ACVR1: variants seen among roughly 807,000 people sequenced by gnomAD.
ACVR1 encodes the protein activin receptor type-1.
Under a neutral mutation model 57.1 loss-of-function variants are expected in ACVR1, and 38 were observed. That is an observed-to-expected ratio of 0.67 (90% CI 0.51 to 0.87). The LOEUF (loss-of-function observed/expected upper bound fraction) is 0.87. Among genes scored for constraint, ACVR1 ranks in the 40% least tolerant of loss-of-function variants. ACVR1 has a pLI of 0.00. For missense variants in ACVR1, 463 were observed against 638.2 expected (o/e 0.73, Z 2.96); for synonymous variants, 212 against 228.1 (o/e 0.93, Z 0.63).
chr2:157,736,760 A>G lies in ACVR1; in HGVS notation c.*771T>C, dbSNP rs1684547793. 2.9e-6 allele frequency: 1 copy of G among 344,532 alleles called. No homozygotes were observed. The highest frequency in any genetic ancestry group is 5.3e-6 in the Non-Finnish European group (1 of 187,814). The allele number at this position is 344,532 out of a possible 1,614,324, so 21.3% of individuals were successfully genotyped here. ...TGTGATTTTAACTGATAATAAAAGA[A>G]AATGTCCATTTTAGAGTATAGTGTT... On this transcript the variant is annotated 3_prime_UTR_variant, in exon 11 of 11. Coordinates refer to ENST00000434821, the MANE Select transcript of ACVR1 (RefSeq NM_001111067.4).
intron 5 of ACVR1, 78 bp downstream of exon 5, chr2:157,778,053 G>GC (rs1230344123): frequency 1.6e-5 from 23 of 1,458,476 alleles, no homozygotes; most frequent in Non-Finnish European, 2.2e-5. Flanking sequence ...TTACTGGTTA[G>GC]CGTTTCATGC....
intron 2 of ACVR1, among the ~76,000 whole-genome samples, chr2:157,801,190 ATC>A (rs1687313000): frequency 6.6e-6 from 1 of 152,218 alleles, no homozygotes; most frequent in South Asian, 2.1e-4. Context: ...TCTGGTCTCT[ATC>A]TCAGTTCTCT....
chr2:157,870,330 A>G (rs11680301), intron 1 of ACVR1, among the ~76,000 whole-genome samples: 148,234 of 152,254 alleles, frequency 0.97, 72,287 homozygotes, highest in East Asian at 1. Flanking sequence ...CCCCAAATCA[A>G]AGTAATCTTG....
At chr2:157,814,001 T>C (rs1215457821) in intron 2 of ACVR1, among the ~76,000 whole-genome samples, 1 of 152,256 alleles carries the variant, frequency 6.6e-6, no homozygotes, top group Admixed American at 6.5e-5. Flanking sequence ...TTTCCTCCAA[T>C]GTAAGTAAGA....
At chr2:157,856,488 T>C (rs1024408214) in intron 1 of ACVR1, among the ~76,000 whole-genome samples, 1 of 152,232 alleles carries the variant, frequency 6.6e-6, no homozygotes, top group Non-Finnish European at 1.5e-5. Flanking sequence ...CAGTGGCCCA[T>C]TGTGATAAAT....
At position 157,795,180 on chromosome 2, in the gene ACVR1, C is replaced by T. The variant is rs369435550; in HGVS notation, c.67+4247G>A. Among the ~76,000 whole-genome samples, 139 of 152,204 alleles carry T rather than the reference C, an allele frequency of 9.1e-4. 7 individuals are homozygous for T. In the South Asian group the frequency reaches 0.027, roughly 30 times the overall value. On this transcript the variant is annotated intron_variant, in intron 3 of 10. Transcript: ENST00000434821. The stretch of plus-strand genomic sequence containing the variant: ...TAAACGCAGTCGTCTAAAGCTTGCT[C>T]AGCAGTAGACAAGCTACACTGCTAT...
At chr2:157,835,097 A>C (rs1688733824) in intron 1 of ACVR1, among the ~76,000 whole-genome samples, 1 of 152,184 alleles carries the variant, frequency 6.6e-6, no homozygotes, top group South Asian at 2.1e-4. Context: ...ATAGACTAAA[A>C]ATGCAACTAA....
chr2:157,791,750 T>C (rs1199391438), intron 3 of ACVR1, among the ~76,000 whole-genome samples: 1 of 152,238 alleles, frequency 6.6e-6, no homozygotes, highest in Non-Finnish European at 1.5e-5. Context: ...GGCCAAAGCC[T>C]TCCTTTCAGA....
At chr2:157,844,362 G>C (rs926766917) in intron 1 of ACVR1, among the ~76,000 whole-genome samples, 2 of 151,996 alleles carry the variant, frequency 1.3e-5, no homozygotes, top group African/African-American at 2.4e-5. Flanking sequence ...GTCCCCACTG[G>C]GTTTGCTCTT....
At chr2:157,850,344 C>T (rs985728407) in intron 1 of ACVR1, among the ~76,000 whole-genome samples, 5 of 151,028 alleles carry the variant, frequency 3.3e-5, no homozygotes, top group African/African-American at 9.8e-5. Context: ...GAGCTGAGAT[C>T]GTGCCAATGT....
intron 2 of ACVR1, among the ~76,000 whole-genome samples, chr2:157,815,022 G>A (rs1687883056): frequency 2.0e-5 from 3 of 152,178 alleles, no homozygotes; most frequent in African/African-American, 7.2e-5. Flanking sequence ...CCAGGAGGCA[G>A]AGCTTGCAGT....
intron 2 of ACVR1, among the ~76,000 whole-genome samples, chr2:157,812,124 G>A (rs983522911): frequency 5.3e-5 from 8 of 152,152 alleles, no homozygotes; most frequent in African/African-American, 4.8e-5. Context: ...TCCACTAAAC[G>A]GGCCTAGAAA....
At chr2:157,747,707 A>G (rs1461972555) in intron 9 of ACVR1, among the ~76,000 whole-genome samples, 1 of 152,116 alleles carries the variant, frequency 6.6e-6, no homozygotes, top group Admixed American at 6.5e-5. Context: ...GTTTGCAAGC[A>G]GCATTGAATA....
At chr2:157,793,393 C>T (rs768468024) in intron 3 of ACVR1, among the ~76,000 whole-genome samples, 3 of 152,062 alleles carry the variant, frequency 2.0e-5, no homozygotes, top group Non-Finnish European at 4.4e-5. Context: ...ACTAGTTTAA[C>T]TACTCATGGC....
intron 1 of ACVR1, among the ~76,000 whole-genome samples, chr2:157,829,770 A>G (rs1559082384): frequency 6.6e-6 from 1 of 152,122 alleles, no homozygotes; most frequent in African/African-American, 2.4e-5. Context: ...ATATTAACAC[A>G]TGCCCCCTCA....
chr2:157,769,504 G>C (rs549690896), intron 7 of ACVR1, among the ~76,000 whole-genome samples: 1 of 152,294 alleles, frequency 6.6e-6, no homozygotes, highest in African/African-American at 2.4e-5. Flanking sequence ...CGGAAGCAAA[G>C]CTTTGAAGCT....
At chr2:157,745,534 G>T (rs1402682796) in intron 9 of ACVR1, among the ~76,000 whole-genome samples, 1 of 152,172 alleles carries the variant, frequency 6.6e-6, no homozygotes, top group African/African-American at 2.4e-5. Flanking sequence ...TTGTCATGAG[G>T]TTAGTTGACT....
chr2:157,789,133 G>A (rs1019892384), intron 3 of ACVR1, among the ~76,000 whole-genome samples: 1 of 152,166 alleles, frequency 6.6e-6, no homozygotes, highest in African/African-American at 2.4e-5. Flanking sequence ...GTCACAATGA[G>A]ACAGTTAAAT....
chr2:157,814,980 T>C (rs1033664158), intron 2 of ACVR1, among the ~76,000 whole-genome samples: 4 of 151,938 alleles, frequency 2.6e-5, no homozygotes, highest in Non-Finnish European at 5.9e-5. Flanking sequence ...TCCCAGCTAA[T>C]TGGGAGGCTG....
Sources: gnomAD v4.1 joint callset for allele counts (sites outside exome capture counted in the v4.1 genomes callset) on GRCh38, gnomAD v4.1.1 for gene constraint, MANE v1.5 for transcripts, NCBI Gene and HGNC (gene_info 2026-07-23, HGNC 2026-07-21) for gene names.